NRXN3: variants seen among roughly 807,000 people sequenced by gnomAD.
NRXN3 encodes the protein neurexin III.
Under a neutral mutation model 137.6 loss-of-function variants are expected in NRXN3, and 32 were observed. The observed-to-expected ratio is 0.23, with a 90% confidence interval of 0.18 to 0.31. The LOEUF (loss-of-function observed/expected upper bound fraction) is 0.31. Among genes scored for constraint, NRXN3 ranks in the 10% least tolerant of loss-of-function variants. The pLI is 1.00. For synonymous variants in NRXN3, 798 were observed against 784.5 expected (o/e 1.02, Z -0.29); for missense variants, 1,574 against 2,062.5 (o/e 0.76, Z 4.59).
At chr14:79,477,453 T>C (rs985784463) in intron 16 of NRXN3, among the ~76,000 whole-genome samples, 109 of 152,234 alleles carry the variant, frequency 7.2e-4, no homozygotes, top group African/African-American at 2.4e-3. Flanking sequence ...CTGTGAATAT[T>C]TATAACCTAT....
At chr14:78,546,688 T>C (rs1048649518) in intron 4 of NRXN3, among the ~76,000 whole-genome samples, 4 of 152,330 alleles carry the variant, frequency 2.6e-5, no homozygotes, top group South Asian at 4.1e-4. Context: ...GAGGTCCATG[T>C]TTACTTTGTT....
intron 20 of NRXN3, among the ~76,000 whole-genome samples, chr14:79,811,798 G>A (rs1196593668): frequency 6.6e-6 from 1 of 151,548 alleles, no homozygotes; most frequent in Non-Finnish European, 1.5e-5. Context: ...TAGCCAGGAT[G>A]GTCTCAATCT....
At chr14:79,130,423 C>T (rs973760403) in intron 15 of NRXN3, among the ~76,000 whole-genome samples, 2 of 151,870 alleles carry the variant, frequency 1.3e-5, no homozygotes, top group African/African-American at 4.8e-5. Context: ...TATTTTATTT[C>T]TCCTTCACTT....
At chr14:79,129,953 G>C (rs899353864) in intron 15 of NRXN3, among the ~76,000 whole-genome samples, 12 of 150,088 alleles carry the variant, frequency 8.0e-5, no homozygotes, top group African/African-American at 2.5e-4. Flanking sequence ...TGTCTCTTTT[G>C]ATTTTTGTTG....
chr14:78,921,585 GGCACATTATTCTTATCAAA>G (rs2099271034), intron 10 of NRXN3, among the ~76,000 whole-genome samples: 1 of 152,100 alleles, frequency 6.6e-6, no homozygotes, highest in Non-Finnish European at 1.5e-5. Flanking sequence ...GTCAAAGATT[GGCACATTATTCTTATCAAA>G]GCACAGGATA....
At position 78,185,529 on chromosome 14, in the gene NRXN3, G is replaced by A. The variant is rs74063957; in HGVS notation, c.-704+14855G>A. Among the ~76,000 whole-genome samples the A allele has an allele frequency of 3.8e-3, 577 of 152,322 alleles. 2 individuals are homozygous for A. Among genetic ancestry groups the A allele is most frequent in the African/African-American group, 0.014 (562 of 41,578 alleles). Reference sequence around the variant, plus strand: ...AGAACCTGGAATGGTAGGAGATTCAGTTAGGATGATCCCTATTATAAGAAT... The same window carrying A: ...AGAACCTGGAATGGTAGGAGATTCAATTAGGATGATCCCTATTATAAGAAT... On this transcript the variant is annotated intron_variant, in intron 1 of 20. Transcript: ENST00000335750.
chr14:79,411,276 C>T (rs541764314), intron 15 of NRXN3, among the ~76,000 whole-genome samples: 1 of 152,160 alleles, frequency 6.6e-6, no homozygotes, highest in Admixed American at 6.6e-5. Flanking sequence ...ATTAGAAAAT[C>T]TGGCAACACT....
Position 79,574,807 on chromosome 14 carries a change from AAGGCAAAGGGTTATTAT to A in NRXN3, c.3445-88970_3445-88954del, listed in dbSNP as rs542113543. On this transcript the variant is annotated intron_variant, in intron 16 of 20. Coordinates refer to ENST00000335750, the MANE Select transcript of NRXN3 (RefSeq NM_001330195.2). The stretch of plus-strand genomic sequence containing the variant: ...TGCAGATGTATTTTAAAGCCACAAC[AAGGCAAAGGGTTATTAT>A]TCTTAATTTGCAGAAGTAATTGAGA... Among the ~76,000 whole-genome samples the A allele has an allele frequency of 4.3e-3, 656 of 152,312 alleles. 7 individuals are homozygous for A. Among genetic ancestry groups the A allele is most frequent in the African/African-American group, 0.015 (619 of 41,570 alleles).
chr14:78,995,037 G>A lies in NRXN3; in HGVS notation c.3262+6896G>A, dbSNP rs554218799. 4.6e-5 allele frequency among the ~76,000 whole-genome samples: 7 copies of A among 152,166 alleles called. 1 individual carries two copies. In the South Asian group the frequency reaches 1.0e-3, roughly 23 times the overall value. ...GACATAAAAGTTCACATTCTTATTC[G>A]ATTTGCTGCCACTTAGTCATTATTA... On this transcript the variant is annotated intron_variant, in intron 15 of 20. Transcript: ENST00000335750.
intron 19 of NRXN3, among the ~76,000 whole-genome samples, chr14:79,802,698 T>G (rs758880542): frequency 6.6e-6 from 1 of 152,180 alleles, no homozygotes; most frequent in African/African-American, 2.4e-5. Context: ...ACCAGCTCCT[T>G]TCCCTAAGTA....
intron 4 of NRXN3, among the ~76,000 whole-genome samples, chr14:78,402,940 A>G (rs575277314): frequency 1.8e-4 from 28 of 152,340 alleles, no homozygotes; most frequent in African/African-American, 6.7e-4. Flanking sequence ...GTGAGAGGTT[A>G]TGGGTAACAA....
chr14:78,475,474 T>G (rs1165703955), intron 4 of NRXN3, among the ~76,000 whole-genome samples: 1 of 152,186 alleles, frequency 6.6e-6, no homozygotes, highest in African/African-American at 2.4e-5. Context: ...TGACTCTAGG[T>G]TATTGCCAAG....
intron 10 of NRXN3, among the ~76,000 whole-genome samples, chr14:78,950,517 G>C (rs116329049): frequency 0.01 from 1,530 of 152,176 alleles, 26 homozygotes; most frequent in African/African-American, 0.032. Flanking sequence ...TGTTTGCTTT[G>C]TAATGTTAGG....
At chr14:79,244,500 G>C (rs535764323) in intron 15 of NRXN3, among the ~76,000 whole-genome samples, 2 of 152,086 alleles carry the variant, frequency 1.3e-5, no homozygotes, top group African/African-American at 4.8e-5. Flanking sequence ...GCATATTGGT[G>C]GGGGGTGACA....
At chr14:79,435,268 C>T (rs1253538423) in intron 15 of NRXN3, among the ~76,000 whole-genome samples, 6 of 147,188 alleles carry the variant, frequency 4.1e-5, no homozygotes, top group African/African-American at 1.3e-4. Context: ...GAATCAAAGT[C>T]AGGGCAAAAG....
chr14:79,088,700 T>C (rs1292415534), intron 15 of NRXN3, among the ~76,000 whole-genome samples: 1 of 152,134 alleles, frequency 6.6e-6, no homozygotes, highest in Non-Finnish European at 1.5e-5. Context: ...TGTAAACATA[T>C]AAACACTTAC....
intron 10 of NRXN3, among the ~76,000 whole-genome samples, chr14:78,882,274 G>T (rs147736019): frequency 0.017 from 2,625 of 151,832 alleles, 49 homozygotes; most frequent in Middle Eastern, 0.024. Context: ...CCCTACTGGG[G>T]TACTGACTAG....
chr14:78,208,615 G>C (rs1398824537), intron 1 of NRXN3, among the ~76,000 whole-genome samples: 1 of 152,166 alleles, frequency 6.6e-6, no homozygotes, highest in African/African-American at 2.4e-5. Context: ...GACGAGGCTG[G>C]AGCCTCTGGA....
chr14:79,856,607 G>GT (rs757820262), intron 20 of NRXN3, among the ~76,000 whole-genome samples: 2 of 123,856 alleles, frequency 1.6e-5, no homozygotes, highest in African/African-American at 3.0e-5. Context: ...CTTCATGCTT[G>GT]TTTTTTTGTT....
Sources: allele counts gnomAD v4.1 joint callset (sites outside exome capture counted in the v4.1 genomes callset), GRCh38; gene constraint gnomAD v4.1.1; transcripts MANE v1.5; gene names NCBI Gene and HGNC (gene_info 2026-07-23, HGNC 2026-07-21).